Variants in ADAM23 observed in about 807,000 individuals in gnomAD.
ADAM23 encodes ADAM metallopeptidase domain 23.
ADAM23 carries 33 observed loss-of-function variants against 120.1 expected under a neutral mutation model. The ratio of observed to expected loss-of-function variants is 0.27; its 90% confidence interval spans 0.21 to 0.37. ADAM23 has a LOEUF of 0.37. Ranked by LOEUF, ADAM23 falls within the 10% of genes least tolerant of loss-of-function variation. ADAM23 has a pLI of 1.00. For missense variants in ADAM23, 862 were observed against 1,058.2 expected, an observed-to-expected ratio of 0.81 and a Z score of 2.57; for synonymous variants, 367 against 375.2, an observed-to-expected ratio of 0.98 and a Z score of 0.25.
chr2:206,530,389 A>T (rs140899293), intron 3 of ADAM23, among the ~76,000 whole-genome samples: 2 of 152,180 alleles, frequency 1.3e-5, no homozygotes, highest in Non-Finnish European at 1.5e-5. Context: ...TTCCTTGGTG[A>T]TTACATTTTA....
chr2:206,534,528 T>C (rs1697133465), intron 4 of ADAM23, among the ~76,000 whole-genome samples: 1 of 152,090 alleles, frequency 6.6e-6, no homozygotes, highest in Non-Finnish European at 1.5e-5. Context: ...CCTCTTAGCA[T>C]GTTTCAAGTA....
intron 3 of ADAM23, among the ~76,000 whole-genome samples, chr2:206,484,751 G>C (rs898088106): frequency 2.0e-5 from 3 of 152,170 alleles, no homozygotes; most frequent in African/African-American, 7.2e-5. Flanking sequence ...GTTTGGCTGT[G>C]TCCCTACCCA....
chr2:206,595,631 T>C lies in ADAM23; in HGVS notation c.2248-420T>C, dbSNP rs3770980. On this transcript the variant is annotated intron_variant, in intron 23 of 25. Transcript: ENST00000264377. ...CAGCAGTGCTTTTGAGCCCACTGTCTATTAATTTATTGAAGTAAGTGTATA... is the reference window on the plus strand; with the variant it reads ...CAGCAGTGCTTTTGAGCCCACTGTCCATTAATTTATTGAAGTAAGTGTATA... Among the ~76,000 whole-genome samples, 760 of 152,316 alleles carry C rather than the reference T, an allele frequency of 5.0e-3. 10 individuals carry two copies. The highest frequency in any genetic ancestry group is 0.037 in the East Asian group (191 of 5,182).
rs749612174 is a variant in ADAM23 at position 206,445,366 on chromosome 2, A to G, written c.274A>G (p.Thr92Ala). ...GGGAGTCCTGGCAGATGAAGACAAT[A>G]CATTGCAACAGAATAGCAGCAGTAA... ...NLGVLADEDN[T>A]LQQNSSSNIS... Residue 92 changes from threonine to alanine, a missense_variant, in exon 2 of 26, where the codon ACA (threonine) becomes GCA (alanine). Transcript: ENST00000264377. 2 of 1,614,152 alleles carry G rather than the reference A, an allele frequency of 1.2e-6. No individual in the cohort carries two copies. The highest frequency in any genetic ancestry group is 4.5e-5 in the East Asian group (2 of 44,880).
chr2:206,559,887 T>TGACTCA, intron 10 of ADAM23, 68 bp from the exon 11 acceptor site: 1 of 1,414,208 alleles, frequency 7.1e-7, no homozygotes, highest in Non-Finnish European at 9.6e-7. Context: ...CCACTGACTC[T>TGACTCA]GACTCACTGA....
chr2:206,460,560 T>C (rs1187960787), intron 2 of ADAM23, among the ~76,000 whole-genome samples: 1 of 152,202 alleles, frequency 6.6e-6, no homozygotes, highest in Non-Finnish European at 1.5e-5. Context: ...TCTTCGCTCA[T>C]TTTCTAATCT....
At chr2:206,516,458 A>G (rs1167025561) in intron 3 of ADAM23, among the ~76,000 whole-genome samples, 3 of 152,106 alleles carry the variant, frequency 2.0e-5, no homozygotes, top group Admixed American at 6.6e-5. Flanking sequence ...TATTTCTCAC[A>G]GTTTTGGAGG....
Position 206,543,193 on chromosome 2 carries a change from A to G in ADAM23, c.657-60A>G, listed in dbSNP as rs1697328720. 14 of 1,443,606 alleles carry G rather than the reference A, an allele frequency of 9.7e-6. No individual in the cohort carries two copies. The Admixed American group carries it at 1.0e-4, about 10-fold the overall frequency. The allele number at this position is 1,443,606 out of a possible 1,614,324, so 89.4% of individuals were successfully genotyped here. ...GACACAATAATGAAGCTCACTTGCT[A>G]TTTCTTGCCATTTCCTGTGTTTGTT... On this transcript the variant is annotated intron_variant, in intron 5 of 25. Transcript: ENST00000264377.
chr2:206,447,543 G>T (rs900551649), intron 2 of ADAM23, among the ~76,000 whole-genome samples: 3 of 152,110 alleles, frequency 2.0e-5, no homozygotes, highest in African/African-American at 7.2e-5. Flanking sequence ...TGTGTTCTGT[G>T]ACCTCCCTTT....
At chr2:206,581,694 T>A (rs898690421) in intron 18 of ADAM23, among the ~76,000 whole-genome samples, 3 of 152,216 alleles carry the variant, frequency 2.0e-5, no homozygotes, top group Non-Finnish European at 4.4e-5. Flanking sequence ...ATGTGTATTC[T>A]GCAGTTGTTG....
intron 8 of ADAM23, 55 bp downstream of exon 8, chr2:206,548,409 C>G: frequency 6.6e-7 from 1 of 1,506,728 alleles, no homozygotes; most frequent in South Asian, 1.1e-5. Flanking sequence ...AAGTCATGTG[C>G]CTATCACCCC....
chr2:206,616,766 G>A (rs903584862), intron 25 of ADAM23, among the ~76,000 whole-genome samples: 1 of 152,060 alleles, frequency 6.6e-6, no homozygotes, highest in Non-Finnish European at 1.5e-5. Flanking sequence ...AAATGCATGA[G>A]CCCCTTGCTT....
At chr2:206,589,188 A>G (rs992790724) in intron 20 of ADAM23, among the ~76,000 whole-genome samples, 2 of 152,198 alleles carry the variant, frequency 1.3e-5, no homozygotes, top group Non-Finnish European at 2.9e-5. Flanking sequence ...GCAAGAGCCA[A>G]TTGTTAAATT....
chr2:206,599,069 GT>G lies in ADAM23; in HGVS notation c.2359+2908del, dbSNP rs554420980. Among the ~76,000 whole-genome samples, 30 of 151,344 alleles carry G rather than the reference GT, an allele frequency of 2.0e-4. 1 individual carries two copies. In the East Asian group the frequency reaches 4.5e-3, roughly 23 times the overall value. The stretch of plus-strand genomic sequence containing the variant: ...AAAATACAAAAATTAGCCGGGCATG[GT>G]GGTGCGTGCCTGTAGTACCAGATAC... On this transcript the variant is annotated intron_variant, in intron 24 of 25. Transcript: ENST00000264377.
At chr2:206,513,762 G>A (rs887000245) in intron 3 of ADAM23, among the ~76,000 whole-genome samples, 1 of 152,194 alleles carries the variant, frequency 6.6e-6, no homozygotes, top group Admixed American at 6.6e-5. Context: ...ACGCTGCAAA[G>A]AACAGGCTGA....
At chr2:206,489,310 C>A (rs1696080869) in intron 3 of ADAM23, among the ~76,000 whole-genome samples, 1 of 152,170 alleles carries the variant, frequency 6.6e-6, no homozygotes, top group Non-Finnish European at 1.5e-5. Flanking sequence ...GCCCATCATG[C>A]TCACTGCTGT....
intron 2 of ADAM23, among the ~76,000 whole-genome samples, chr2:206,477,897 A>AATATATATATATATATATATATATAT (rs71034457): frequency 1.7e-4 from 16 of 93,542 alleles, no homozygotes; most frequent in African/African-American, 5.2e-4. Context: ...AAAAAAAAAA[A>AATATATATATATATATATATATATAT]ATATATATAT....
At chr2:206,526,599 G>A (rs568643062) in intron 3 of ADAM23, among the ~76,000 whole-genome samples, 31 of 152,140 alleles carry the variant, frequency 2.0e-4, no homozygotes, top group Non-Finnish European at 3.8e-4. Context: ...GATTTTAGTG[G>A]TCACACTAGA....
intron 2 of ADAM23, among the ~76,000 whole-genome samples, chr2:206,454,735 G>A (rs1207087930): frequency 6.6e-6 from 1 of 152,176 alleles, no homozygotes; most frequent in Non-Finnish European, 1.5e-5. Flanking sequence ...CAAAATAAAG[G>A]GGCTACAGGC....
Sources: allele counts gnomAD v4.1 joint callset (sites outside exome capture counted in the v4.1 genomes callset), GRCh38; gene constraint gnomAD v4.1.1; transcripts MANE v1.5; gene names NCBI Gene and HGNC (gene_info 2026-07-23, HGNC 2026-07-21).